The following THEMIS variants were observed in gnomAD, a reference collection of about 807,000 sequenced individuals.
THEMIS encodes the protein thymocyte selection associated, also known as protein THEMIS.
In THEMIS, 37 loss-of-function variants were observed where a neutral mutation model predicts 52.6. The ratio of observed to expected loss-of-function variants is 0.70; its 90% CI spans 0.54 to 0.93. The LOEUF is 0.93. Among genes scored for constraint, THEMIS ranks in the 40% least tolerant of loss-of-function variants. THEMIS has a pLI of 0.00. For missense variants in THEMIS, 808 were observed against 763.1 expected (o/e 1.06, Z -0.69); for synonymous variants, 292 against 272.7 (o/e 1.07, Z -0.70).
At chr6:127,703,336 CGCGCCCG>C (rs1040906728), downstream of THEMIS, among the ~76,000 whole-genome samples, 4 of 151,982 alleles carry the variant, frequency 2.6e-5, no homozygotes, top group African/African-American at 9.7e-5. Context: ...CGTGAGACAC[CGCGCCCG>C]GCTAGAATGA....
At chr6:127,798,602 A>C (rs1777410643) in intron 4 of THEMIS, among the ~76,000 whole-genome samples, 1 of 152,122 alleles carries the variant, frequency 6.6e-6, no homozygotes, top group Non-Finnish European at 1.5e-5. Flanking sequence ...ACTCATAGGG[A>C]TATGGAAAGA....
chr6:127,813,233 C>G lies in THEMIS; in HGVS notation c.1408G>C (p.Glu470Gln). ...KVSVRDLSIEEDVLAATPGLQ... is the reference protein window; with the variant it reads ...KVSVRDLSIEQDVLAATPGLQ... ...CCTGGTGTGGCAGCCAACACGTCCT[C>G]TTCAATGGAAAGATCCCTGACAGAC... Residue 470 changes from glutamate (E) to glutamine (Q), a missense_variant, in exon 4 of 6, where the codon GAG (glutamate) becomes CAG (glutamine). Coordinates refer to ENST00000368248, the MANE Select transcript of THEMIS (RefSeq NM_001010923.3). The G allele has an allele frequency of 6.2e-7, 1 of 1,614,106 alleles. No individual in the cohort carries two copies. Among genetic ancestry groups the G allele is most frequent in the South Asian group, 1.1e-5 (1 of 91,074 alleles).
intron 2 of THEMIS, among the ~76,000 whole-genome samples, chr6:127,849,485 T>C (rs1779344756): frequency 6.6e-6 from 1 of 151,872 alleles, no homozygotes; most frequent in African/African-American, 2.4e-5. Flanking sequence ...TTCACAGAAT[T>C]TCAAATTATA....
intron 1 of THEMIS, among the ~76,000 whole-genome samples, chr6:127,889,505 C>G (rs965732640): frequency 7.9e-5 from 12 of 152,192 alleles, no homozygotes; most frequent in African/African-American, 2.9e-4. Flanking sequence ...TTGCAGGGAT[C>G]TCTAAATTGG....
At chr6:127,854,928 G>T (rs999115570) in intron 2 of THEMIS, 102 bp downstream of exon 2, 10 of 1,011,354 alleles carry the variant, frequency 9.9e-6, no homozygotes, top group Non-Finnish European at 1.3e-5. Flanking sequence ...CATTATCCTA[G>T]AGTGAAAAAC....
intron 4 of THEMIS, among the ~76,000 whole-genome samples, chr6:127,722,752 T>C (rs1583199162): frequency 1.3e-5 from 2 of 152,004 alleles, no homozygotes; most frequent in African/African-American, 2.4e-5. Context: ...ATTCCTGTCG[T>C]CTAACTGTGT....
chr6:127,831,929 G>A lies in THEMIS; in HGVS notation c.251-1995C>T, dbSNP rs531899112. ...TAAATGAATTTGTGTGTGTGTGCGC[G>A]TGCCTGTGTGTGTTTAATCTCATTT... On this transcript the variant is annotated intron_variant, in intron 2 of 5. Transcript: ENST00000368248. 5.3e-5 allele frequency among the ~76,000 whole-genome samples: 8 copies of A among 152,044 alleles called. No homozygotes were observed. In the East Asian group the frequency reaches 7.7e-4, roughly 15 times the overall value.
At chr6:127,705,841 T>C (rs668527), downstream of THEMIS, among the ~76,000 whole-genome samples, 71,456 of 151,948 alleles carry the variant, frequency 0.47, 18,063 homozygotes, top group Non-Finnish European at 0.58. Context: ...AACAAATTTT[T>C]GAAGGTTCAG....
intron 1 of THEMIS, among the ~76,000 whole-genome samples, chr6:127,892,243 C>A (rs1163355167): frequency 2.0e-5 from 3 of 152,178 alleles, no homozygotes; most frequent in African/African-American, 4.8e-5. Context: ...CCAGACCAAG[C>A]AAGCTCTTCA....
intron 4 of THEMIS, among the ~76,000 whole-genome samples, chr6:127,764,780 T>C (rs1477176805): frequency 2.0e-5 from 3 of 152,190 alleles, no homozygotes; most frequent in Admixed American, 6.6e-5. Context: ...ATCTAGAAGT[T>C]ATTTTAACTC....
At chr6:127,790,791 C>A (rs1222163417) in intron 4 of THEMIS, among the ~76,000 whole-genome samples, 3 of 152,162 alleles carry the variant, frequency 2.0e-5, no homozygotes, top group Non-Finnish European at 4.4e-5. Flanking sequence ...AGCATGGGGT[C>A]CAGCCACTGC....
intron 4 of THEMIS, among the ~76,000 whole-genome samples, chr6:127,723,877 T>A (rs144744133): frequency 1.3e-5 from 2 of 152,188 alleles, no homozygotes; most frequent in East Asian, 1.9e-4. Context: ...TTAATGTCTA[T>A]CTCCCTGGCT....
At chr6:127,853,686 T>A (rs1779508635) in intron 2 of THEMIS, among the ~76,000 whole-genome samples, 1 of 151,654 alleles carries the variant, frequency 6.6e-6, no homozygotes, top group African/African-American at 2.4e-5. Context: ...AGTAATAATA[T>A]CTTAATAATG....
intron 1 of THEMIS, among the ~76,000 whole-genome samples, chr6:127,881,277 G>A (rs1780477507): frequency 1.3e-5 from 2 of 151,790 alleles, no homozygotes; most frequent in South Asian, 2.1e-4. Context: ...CCAATAATTT[G>A]TACTTGTTAA....
intron 2 of THEMIS, among the ~76,000 whole-genome samples, chr6:127,850,289 G>T (rs564551438): frequency 6.6e-6 from 1 of 152,122 alleles, no homozygotes; most frequent in South Asian, 2.1e-4. Flanking sequence ...CTTTTAGACT[G>T]CTGGTGAGAA....
intron 2 of THEMIS, among the ~76,000 whole-genome samples, chr6:127,842,110 G>T (rs561282548): frequency 6.6e-6 from 1 of 151,898 alleles, no homozygotes; most frequent in Non-Finnish European, 1.5e-5. Context: ...AGATGGAAAG[G>T]TTATTTAAAG....
chr6:127,878,248 T>C (rs777754125), intron 1 of THEMIS, among the ~76,000 whole-genome samples: 3 of 152,196 alleles, frequency 2.0e-5, no homozygotes, highest in Non-Finnish European at 4.4e-5. Context: ...CCCTATGCTC[T>C]ACCGTTCCAG....
chr6:127,760,999 A>G (rs1403578246), intron 4 of THEMIS, among the ~76,000 whole-genome samples: 1 of 152,168 alleles, frequency 6.6e-6, no homozygotes, highest in Non-Finnish European at 1.5e-5. Flanking sequence ...AATTGACAAA[A>G]TAATAAGACA....
rs767614057 is a variant in THEMIS, at chr6:127,900,906, G to A, written c.27C>T (p.Val9=). The change falls in exon 1 of 6, where the codon GTC becomes GTT. Residue 9 remains valine (V), a synonymous_variant. Coordinates refer to ENST00000368248, the MANE Select transcript of THEMIS (RefSeq NM_001010923.3). The part of the protein sequence containing the change: MALSLEEF[V]HSLDLRTLPR... ...GTAGGGTCCTGAGGTCAAGGGAGTG[G>A]ACGAATTCTTCCAGTGATAATGCCA... 3.7e-6 allele frequency: 6 copies of A among 1,612,984 alleles called. No homozygotes were observed. The highest frequency in any genetic ancestry group is 3.3e-5 in the Admixed American group (2 of 59,886).
Sources: gnomAD v4.1 joint callset for allele counts (sites outside exome capture counted in the v4.1 genomes callset) on GRCh38, gnomAD v4.1.1 for gene constraint, MANE v1.5 for transcripts, NCBI Gene and HGNC (gene_info 2026-07-23, HGNC 2026-07-21) for gene names.